Variants in WASHC4 observed in about 807,000 individuals in gnomAD.
WASHC4 encodes WASH complex subunit 4, also known as WASH complex subunit 7.
WASHC4 carries 86 observed loss-of-function variants against 166.6 expected under a neutral mutation model. The ratio of observed to expected loss-of-function variants is 0.52; its 90% CI spans 0.43 to 0.62. The LOEUF is 0.62. WASHC4 is among the 20% of genes least tolerant of loss of function. The pLI, the probability that WASHC4 is intolerant of heterozygous loss-of-function variation, is 0.00. For synonymous variants in WASHC4, 446 were observed against 451.6 expected (o/e 0.99, Z 0.16); for missense variants, 1,262 against 1,382.4 (o/e 0.91, Z 1.38).
At chr12:105,140,847 A>G in intron 16 of WASHC4, 52 bp from the exon 17 acceptor site, 1 of 1,552,622 alleles carries the variant, frequency 6.4e-7, no homozygotes, top group South Asian at 1.1e-5. Context: ...TTTTCTTCTG[A>G]GTCTTTTGTT....
Position 105,120,600 on chromosome 12 carries a change from A to G in WASHC4, c.561+3A>G, listed in dbSNP as rs1880638069. 6.3e-7 allele frequency: 1 copy of G among 1,591,072 alleles called. No homozygotes were observed. The highest frequency in any genetic ancestry group is 8.6e-7 in the Non-Finnish European group (1 of 1,159,168). On this transcript the variant is annotated splice_donor_region_variant and intron_variant, in intron 8 of 32. Transcript: ENST00000332180. The stretch of plus-strand genomic sequence containing the variant: ...AGACAACTGGAGTTCATTTTCAGGT[A>G]AAAGACATTTAGCTTGACCTGTAAA...
At chr12:105,166,789 A>G in intron 32 of WASHC4, 75 bp from the exon 33 acceptor site, 2 of 1,067,366 alleles carry the variant, frequency 1.9e-6, no homozygotes, top group East Asian at 2.6e-5. Context: ...GCTCTTCTCA[A>G]ATTTCTTTTA....
intron 13 of WASHC4, among the ~76,000 whole-genome samples, chr12:105,131,298 G>A (rs1369349570): frequency 6.6e-6 from 1 of 151,544 alleles, no homozygotes; most frequent in Non-Finnish European, 1.5e-5. Flanking sequence ...TTGTTAGCCA[G>A]GATGGTCTCG....
In WASHC4 at chr12:105,114,239, T is replaced by C; in HGVS notation, c.225T>C (p.Ser75=). ...AGCTTTTGCCTTATGAACAGTCCTC[T>C]CTTTTGGAACTCATAAAGACTGAAA... ...ALKLLPYEQS[S]LLELIKTENK... The change falls in exon 3 of 33, where the codon TCT becomes TCC. Residue 75 remains serine (S), a synonymous_variant. Coordinates refer to ENST00000332180, the MANE Select transcript of WASHC4 (RefSeq NM_015275.3). The C allele has an allele frequency of 6.2e-7, 1 of 1,610,754 alleles. No individual in the cohort carries two copies. Among genetic ancestry groups the C allele is most frequent in the Non-Finnish European group, 8.5e-7 (1 of 1,178,010 alleles).
rs752539324 is a variant in WASHC4 at position 105,149,668 on chromosome 12, T to G, written c.2568T>G (p.Phe856Leu). 1.3e-6 allele frequency: 2 copies of G among 1,567,126 alleles called. No individual in the cohort carries two copies. The highest frequency in any genetic ancestry group is 1.8e-6 in the Non-Finnish European group (2 of 1,140,234). Residue 856 changes from phenylalanine (F) to leucine (L), a missense_variant, in exon 25 of 33, where the codon TTT becomes TTG. Physicochemically the swap from Phe to Leu is conservative, Grantham distance 22 (BLOSUM62 0). Transcript: ENST00000332180. ...LKKKFYIFSQ[F>L]MYDEHIKSRL... ...AGAAGTTCTATATATTTAGCCAATT[T>G]ATGTATGATGAACACATCAAATCCA...
rs372394081 is a variant in WASHC4 at position 105,133,891 on chromosome 12, A to T, written c.1321A>T (p.Ile441Leu). Reference protein sequence around the residue: ...EDLTNRCNVFIQGFLYAYSIS... With the variant: ...EDLTNRCNVFLQGFLYAYSIS... ...TCTCACCAATAGATGTAATGTTTTT[A>T]TACAGGTAGTTGCATCTTATTTCGG... The change falls in exon 14 of 33, where the codon ATA becomes TTA. Residue 441 changes from isoleucine to leucine, a missense_variant. Physicochemically the swap from Ile to Leu is conservative, Grantham distance 5. Coordinates refer to ENST00000332180, the MANE Select transcript of WASHC4 (RefSeq NM_015275.3). The T allele has an allele frequency of 6.2e-7, 1 of 1,611,658 alleles. No homozygotes were observed. Among genetic ancestry groups the T allele is most frequent in the African/African-American group, 1.3e-5 (1 of 75,010 alleles).
In WASHC4 at chr12:105,162,763, A is replaced by T; in HGVS notation, c.3075A>T (p.Val1025=). Residue 1025 remains valine, a synonymous_variant, in exon 30 of 33, where the codon GTA becomes GTT. Transcript: ENST00000332180. The part of the protein sequence containing the change: ...IIVPPLTLNF[V]EHSISCKEKL... The stretch of plus-strand genomic sequence containing the variant: ...CATCTTTTTAGACCCTCAACTTTGT[A>T]GAGCATTCCATTAGTTGCAAGGAAA... The T allele has an allele frequency of 6.3e-7, 1 of 1,580,252 alleles. No individual in the cohort carries two copies. The highest frequency in any genetic ancestry group is 8.7e-7 in the Non-Finnish European group (1 of 1,151,822).
At chr12:105,151,168 A>G (rs1883739002) in intron 25 of WASHC4, among the ~76,000 whole-genome samples, 1 of 150,834 alleles carries the variant, frequency 6.6e-6, no homozygotes, top group Middle Eastern at 3.4e-3. Context: ...AAAAAAAAAA[A>G]AAGAACGCCG....
chr12:105,167,421 T>C lies in WASHC4; in HGVS notation c.*490T>C, dbSNP rs181756071. ...TATAAAAGGAATATATGAAGATGGCTTTGATACTAGAGGTGAGGCACAAGT... is the reference window on the plus strand; with the variant it reads ...TATAAAAGGAATATATGAAGATGGCCTTGATACTAGAGGTGAGGCACAAGT... On this transcript the variant is annotated 3_prime_UTR_variant, in exon 33 of 33. Coordinates refer to ENST00000332180, the MANE Select transcript of WASHC4 (RefSeq NM_015275.3). 2.0e-3 allele frequency: 322 copies of C among 161,546 alleles called. 1 individual carries two copies. Among genetic ancestry groups the C allele is most frequent in the Middle Eastern group, 6.6e-3 (2 of 302 alleles). 10.0% of individuals were successfully genotyped at this position (161,546 alleles called of 1,614,324 possible). A position where few individuals can be genotyped will look rare whatever the true frequency, so the allele number is the denominator to read the frequency against.
chr12:105,161,472 A>G (rs1323402459), intron 29 of WASHC4, among the ~76,000 whole-genome samples: 1 of 152,190 alleles, frequency 6.6e-6, no homozygotes, highest in African/African-American at 2.4e-5. Flanking sequence ...TTGAAGGGCA[A>G]TGTACTCAAA....
chr12:105,149,345 T>G, intron 24 of WASHC4: 1 of 1,045,578 alleles, frequency 9.6e-7, no homozygotes, highest in Non-Finnish European at 1.2e-6. Context: ...CTACAGCCCT[T>G]AGTCCTATCA....
At chr12:105,162,667 A>T in intron 29 of WASHC4, 82 bp from the exon 30 acceptor site, 1 of 748,354 alleles carries the variant, frequency 1.3e-6, no homozygotes, top group Non-Finnish European at 2.4e-6. Flanking sequence ...TTCTATTTAT[A>T]ATTTTTAAAA....
At chr12:105,122,872 G>A (rs1880898443) in intron 10 of WASHC4, among the ~76,000 whole-genome samples, 1 of 152,072 alleles carries the variant, frequency 6.6e-6, no homozygotes, top group Non-Finnish European at 1.5e-5. Context: ...CTCTCTTCAA[G>A]CCTTTTTATT....
chr12:105,134,363 A>G (rs959738390), intron 14 of WASHC4, among the ~76,000 whole-genome samples: 1 of 152,112 alleles, frequency 6.6e-6, no homozygotes, highest in Non-Finnish European at 1.5e-5. Flanking sequence ...TGTATTTGTC[A>G]GTTGTAGCAT....
At chr12:105,155,532 C>T (rs1005612314) in intron 26 of WASHC4, among the ~76,000 whole-genome samples, 1 of 148,728 alleles carries the variant, frequency 6.7e-6, no homozygotes, top group Admixed American at 6.8e-5. Flanking sequence ...GCCATTACAG[C>T]ATTTTCAGAA....
intron 7 of WASHC4, among the ~76,000 whole-genome samples, chr12:105,119,830 G>T (rs1186023196): frequency 6.6e-6 from 1 of 152,256 alleles, no homozygotes; most frequent in Non-Finnish European, 1.5e-5. Context: ...GGAGGTAGAA[G>T]TGAATTTTTC....
chr12:105,150,409 G>A (rs1360953253), intron 25 of WASHC4, among the ~76,000 whole-genome samples: 1 of 152,192 alleles, frequency 6.6e-6, no homozygotes, highest in Non-Finnish European at 1.5e-5. Context: ...ACAAGGAAAT[G>A]TGAACATTTA....
At position 105,131,211 on chromosome 12, in the gene WASHC4, C is replaced by T. The variant is rs1051618035; in HGVS notation, c.1200-2559C>T. On this transcript the variant is annotated intron_variant, in intron 13 of 32. Coordinates refer to ENST00000332180, the MANE Select transcript of WASHC4 (RefSeq NM_015275.3). The stretch of plus-strand genomic sequence containing the variant: ...ACGCCATTCTCCTGCCTCAGCCTCC[C>T]GAGTAGCTGGGACTACAGGCGCCCG... 7.3e-5 allele frequency among the ~76,000 whole-genome samples: 11 copies of T among 151,032 alleles called. No homozygotes were observed. The East Asian group carries it at 1.4e-3, about 19-fold the overall frequency.
chr12:105,144,433 C>T lies in WASHC4; in HGVS notation c.2157C>T (p.Phe719=). The change falls in exon 21 of 33, where the codon TTC becomes TTT. Residue 719 remains phenylalanine (F), a synonymous_variant. Transcript: ENST00000332180. Reference sequence around the variant, plus strand: ...TCTCTCTGAATCCAATTCGGTTTTTCAATCGTTTCATTGACATTCGGGGTG... The same window carrying T: ...TCTCTCTGAATCCAATTCGGTTTTTTAATCGTTTCATTGACATTCGGGGTG... The part of the protein sequence containing the change: ...LFFSLNPIRF[F]NRFIDIRAYV... 6.2e-7 allele frequency: 1 copy of T among 1,612,022 alleles called. No homozygotes were observed. The highest frequency in any genetic ancestry group is 8.5e-7 in the Non-Finnish European group (1 of 1,179,128).
Sources: allele counts gnomAD v4.1 joint callset (sites outside exome capture counted in the v4.1 genomes callset), GRCh38; gene constraint gnomAD v4.1.1; transcripts MANE v1.5; gene names NCBI Gene and HGNC (gene_info 2026-07-23, HGNC 2026-07-21).